BRI3: variants seen among roughly 807,000 people sequenced by gnomAD.
BRI3 encodes the protein membrane protein BRI3.
In BRI3, 6 loss-of-function variants were observed where a neutral mutation model predicts 12.8. The ratio of observed to expected loss-of-function variants is 0.47; its 90% CI spans 0.26 to 0.93. The LOEUF is 0.93. BRI3 is among the 40% of genes least tolerant of loss of function. The pLI is 0.15. For synonymous variants in BRI3, 91 were observed against 76.1 expected, an observed-to-expected ratio of 1.20 and a Z score of -1.02; for missense variants, 134 against 171.1, an observed-to-expected ratio of 0.78 and a Z score of 1.21.
the BRI3 span, chr7:98,317,132 C>T: frequency 1.9e-5 from 29 of 1,542,476 alleles, no homozygotes; most frequent in East Asian, 1.4e-4. Context: ...GGATTACAGG[C>T]GTGAGCCACC....
intron 1 of BRI3, among the ~76,000 whole-genome samples, chr7:98,298,599 C>T (rs925154807): frequency 1.3e-5 from 2 of 151,912 alleles, no homozygotes; most frequent in Non-Finnish European, 2.9e-5. Context: ...GGTGACAGAG[C>T]AAGACTCTGT....
At position 98,284,153 on chromosome 7, in the gene BRI3, G is replaced by A. The variant is rs1299522931; in HGVS notation, c.245+1700G>A. Among the ~76,000 whole-genome samples, 4 of 152,150 alleles carry A rather than the reference G, an allele frequency of 2.6e-5. No homozygotes were observed. The East Asian group carries it at 5.8e-4, about 22-fold the overall frequency. ...CTTAATCACTGCTCTCTGCCTCTGGGCAGCTGCACCAGGCAGGGTGGAGGC... is the reference window on the plus strand; with the variant it reads ...CTTAATCACTGCTCTCTGCCTCTGGACAGCTGCACCAGGCAGGGTGGAGGC... On this transcript the variant is annotated intron_variant, in intron 2 of 2. Transcript: ENST00000297290.
At chr7:98,282,030 G>A (rs1799534510) in intron 1 of BRI3, 93 bp downstream of exon 1, 3 of 1,306,320 alleles carry the variant, frequency 2.3e-6, no homozygotes, top group African/African-American at 1.5e-5. Flanking sequence ...GGCCCGCCCG[G>A]GGGTCCTTCC....
intron 1 of BRI3, among the ~76,000 whole-genome samples, chr7:98,299,479 A>G (rs1800332506): frequency 6.7e-6 from 1 of 149,560 alleles, no homozygotes; most frequent in Non-Finnish European, 1.5e-5. Flanking sequence ...TTTGAGCCTC[A>G]GCCATGGTAC....
At chr7:98,295,959 C>A (rs1362655697), downstream of BRI3, among the ~76,000 whole-genome samples, 1 of 152,180 alleles carries the variant, frequency 6.6e-6, no homozygotes, top group African/African-American at 2.4e-5. Flanking sequence ...TGCCTGGGGC[C>A]CAACAATCCT....
At chr7:98,301,170 T>TG (rs1340566180) in intron 1 of BRI3, among the ~76,000 whole-genome samples, 4 of 152,194 alleles carry the variant, frequency 2.6e-5, no homozygotes, top group Admixed American at 2.0e-4. Flanking sequence ...GACAGAAGTC[T>TG]GCTGGCCTCA....
At chr7:98,306,466 G>A (rs1426417340), upstream of BRI3, 1 of 1,614,184 alleles carries the variant, frequency 6.2e-7, no homozygotes. Context: ...CACTGCTTCT[G>A]TCTCATTTTC....
At chr7:98,294,795 G>T (rs1800116677), downstream of BRI3, among the ~76,000 whole-genome samples, 1 of 152,224 alleles carries the variant, frequency 6.6e-6, no homozygotes, top group Admixed American at 6.5e-5. Context: ...CTTGTAGGAA[G>T]CTCAAACTGA....
At position 98,281,828 on chromosome 7, in the gene BRI3, GC is replaced by G; in HGVS notation, c.36del (p.Ala13ProfsTer63). 7.9e-7 allele frequency: 1 copy of G among 1,264,116 alleles called. No homozygotes were observed. The highest frequency in any genetic ancestry group is 1.0e-6 in the Non-Finnish European group (1 of 1,002,156). 78.3% of individuals were successfully genotyped at this position (1,264,116 alleles called of 1,614,324 possible). A position where few individuals can be genotyped will look rare whatever the true frequency, so the allele number is the denominator to read the frequency against. On this transcript the variant is annotated frameshift_variant, in exon 1 of 3. Coordinates refer to ENST00000297290, the MANE Select transcript of BRI3 (RefSeq NM_015379.5). LOFTEE classifies it high-confidence loss of function. ...ACAAGCCGCTGCTGCAGGAGCGGCCGCCCGCCTACAACCTGGAGGCCGGCCA... is the reference window on the plus strand; with the variant it reads ...ACAAGCCGCTGCTGCAGGAGCGGCCGCCGCCTACAACCTGGAGGCCGGCCA... ...DHKPLLQERP[P>X]AYNLEAGQGD...
At chr7:98,315,811 CAG>C in the BRI3 span, among the ~76,000 whole-genome samples, 3 of 152,080 alleles carry the variant, frequency 2.0e-5, no homozygotes, top group African/African-American at 7.2e-5. Context: ...GACTCGTGTG[CAG>C]AGAGAAGTTG....
intron 2 of BRI3, 140 bp downstream of exon 2, chr7:98,282,593 A>G: frequency 2.9e-6 from 2 of 690,048 alleles, no homozygotes; most frequent in Non-Finnish European, 5.0e-6. Context: ...TGGGAGGGAC[A>G]GACAGGCTGC....
At chr7:98,285,847 C>T (rs1239388553) in intron 2 of BRI3, among the ~76,000 whole-genome samples, 1 of 152,178 alleles carries the variant, frequency 6.6e-6, no homozygotes, top group Non-Finnish European at 1.5e-5. Context: ...GCTGGAGCTG[C>T]TTTGGGGCCA....
intron 1 of BRI3, chr7:98,306,992 C>T (rs1306993702): frequency 6.2e-6 from 1 of 160,430 alleles, no homozygotes; most frequent in Non-Finnish European, 1.4e-5. Flanking sequence ...AAGCTAGTTA[C>T]AGGAAGGCTT....
chr7:98,297,257 G>A (rs1239069408), downstream of BRI3, among the ~76,000 whole-genome samples: 3 of 152,198 alleles, frequency 2.0e-5, no homozygotes, highest in Admixed American at 2.0e-4. Context: ...CCCATCACTC[G>A]ATGCCTGGTC....
upstream of BRI3, chr7:98,306,511 C>G (rs762651885): frequency 6.2e-7 from 1 of 1,614,130 alleles, no homozygotes; most frequent in Non-Finnish European, 8.5e-7. Flanking sequence ...CGGGAACCAA[C>G]CCCTCCTACC....
the BRI3 span, chr7:98,317,317 A>C: frequency 5.0e-6 from 8 of 1,613,984 alleles, no homozygotes; most frequent in African/African-American, 1.3e-5. Context: ...AAAGACTCTA[A>C]TTTATTCTTG....
chr7:98,311,951 C>T, downstream of BRI3: 1 of 778,804 alleles, frequency 1.3e-6, no homozygotes, highest in Non-Finnish European at 2.0e-6. Flanking sequence ...TACCTTCGCC[C>T]CTAAAGGTAA....
chr7:98,291,599 G>C (rs576242986), downstream of BRI3: 779 of 967,978 alleles, frequency 8.0e-4, 1 homozygote, highest in Non-Finnish European at 9.6e-4. Context: ...TCGCTCCCCC[G>C]GCCAGTCCTG....
chr7:98,305,146 C>T (rs1474927297), upstream of BRI3, among the ~76,000 whole-genome samples: 1 of 149,162 alleles, frequency 6.7e-6, no homozygotes, highest in Non-Finnish European at 1.5e-5. Flanking sequence ...CCGCCTCGGC[C>T]TCCCAAAGTG....
Sources: gnomAD v4.1 joint callset for allele counts (sites outside exome capture counted in the v4.1 genomes callset) on GRCh38, gnomAD v4.1.1 for gene constraint, MANE v1.5 for transcripts, NCBI Gene and HGNC (gene_info 2026-07-23, HGNC 2026-07-21) for gene names.